The following MAN2A1 variants were observed in gnomAD, a reference collection of about 807,000 sequenced individuals.
The protein encoded by MAN2A1 is alpha-mannosidase 2.
A neutral mutation model predicts 142.6 loss-of-function variants in MAN2A1; 76 were observed. The ratio of observed to expected loss-of-function variants is 0.53; its 90% CI spans 0.44 to 0.65. The LOEUF is 0.65. Ranked by LOEUF, MAN2A1 falls within the 30% of genes least tolerant of loss-of-function variation. MAN2A1 has a pLI of 0.00. For missense variants in MAN2A1, 1,311 were observed against 1,365.1 expected, an observed-to-expected ratio of 0.96 and a Z score of 0.62; for synonymous variants, 559 against 473.2, an observed-to-expected ratio of 1.18 and a Z score of -2.35.
At chr5:109,723,331 C>A (rs558934087) in intron 3 of MAN2A1, among the ~76,000 whole-genome samples, 1 of 152,068 alleles carries the variant, frequency 6.6e-6, no homozygotes, top group Non-Finnish European at 1.5e-5. Flanking sequence ...TTTTGGAAAC[C>A]TGGGTTCAAA....
chr5:109,840,037 A>G (rs541656565), intron 16 of MAN2A1: 1 of 161,780 alleles, frequency 6.2e-6, no homozygotes, highest in South Asian at 1.9e-4. Flanking sequence ...ATTCTAGAAA[A>G]CAGCAATTTG....
chr5:109,746,835 G>C (rs187041048), intron 4 of MAN2A1, among the ~76,000 whole-genome samples: 4 of 152,100 alleles, frequency 2.6e-5, no homozygotes, highest in Admixed American at 2.6e-4. Context: ...TACTCTATTA[G>C]GTGCCTTATG....
intron 12 of MAN2A1, among the ~76,000 whole-genome samples, chr5:109,796,928 A>G (rs893375170): frequency 6.6e-6 from 1 of 152,226 alleles, no homozygotes; most frequent in African/African-American, 2.4e-5. Flanking sequence ...GTAGACTAGC[A>G]GCTCCATGAG....
intron 9 of MAN2A1, among the ~76,000 whole-genome samples, chr5:109,782,072 T>C (rs1247446094): frequency 6.6e-6 from 1 of 152,200 alleles, no homozygotes; most frequent in Non-Finnish European, 1.5e-5. Context: ...GGGAGAACTT[T>C]AGACTAGGCT....
intron 5 of MAN2A1, among the ~76,000 whole-genome samples, chr5:109,761,471 G>A (rs1387463312): frequency 1.3e-5 from 2 of 152,096 alleles, no homozygotes; most frequent in Non-Finnish European, 2.9e-5. Context: ...TATCAATACT[G>A]TATGGTTTTT....
chr5:109,757,220 T>C (rs1024596712), intron 5 of MAN2A1, among the ~76,000 whole-genome samples: 2 of 152,222 alleles, frequency 1.3e-5, no homozygotes, highest in African/African-American at 2.4e-5. Flanking sequence ...GGGGACCCTC[T>C]CTACACAATG....
At chr5:109,826,897 A>T (rs1326504858) in intron 16 of MAN2A1, among the ~76,000 whole-genome samples, 1 of 152,280 alleles carries the variant, frequency 6.6e-6, no homozygotes, top group Non-Finnish European at 1.5e-5. Context: ...CAAAATGCAT[A>T]GACAAAATGT....
In MAN2A1 at chr5:109,698,688, G is replaced by A. The variant is rs1012942835; in HGVS notation, c.135+8136G>A. Among the ~76,000 whole-genome samples the A allele has an allele frequency of 2.5e-4, 38 of 152,188 alleles. 1 individual carries two copies. The highest frequency in any genetic ancestry group is 4.9e-4 in the Non-Finnish European group (33 of 68,030). On this transcript the variant is annotated intron_variant, in intron 1 of 21. Transcript: ENST00000261483. ...CAAGAGCAGAGAAGACTCTAAATTT[G>A]ACCCTGTCCTATGTTCTTGCTGGTG... is the stretch of plus-strand genomic sequence containing the variant.
At chr5:109,850,437 A>T (rs972889789) in intron 19 of MAN2A1, among the ~76,000 whole-genome samples, 3 of 152,228 alleles carry the variant, frequency 2.0e-5, no homozygotes, top group African/African-American at 7.2e-5. Context: ...ACAGCTAATT[A>T]AAGCAAAAAT....
chr5:109,727,365 A>G (rs1421230203), intron 3 of MAN2A1, among the ~76,000 whole-genome samples: 2 of 151,980 alleles, frequency 1.3e-5, no homozygotes, highest in African/African-American at 4.8e-5. Flanking sequence ...TCTGTGTTCT[A>G]ATCTCCTTTT....
chr5:109,855,938 T>A (rs1434570665), intron 20 of MAN2A1, among the ~76,000 whole-genome samples: 2 of 152,232 alleles, frequency 1.3e-5, no homozygotes, highest in Non-Finnish European at 2.9e-5. Flanking sequence ...GTTTTGATAT[T>A]GCAAATTGAC....
intron 1 of MAN2A1, among the ~76,000 whole-genome samples, chr5:109,693,278 T>C (rs1379505300): frequency 1.3e-5 from 2 of 151,394 alleles, no homozygotes; most frequent in African/African-American, 4.9e-5. Context: ...AGTTGATTCT[T>C]TTTTTTTTCA....
chr5:109,734,553 A>G (rs961127396), intron 4 of MAN2A1, among the ~76,000 whole-genome samples: 16 of 152,076 alleles, frequency 1.1e-4, no homozygotes, highest in Non-Finnish European at 2.4e-4. Flanking sequence ...TGTGTCCCAG[A>G]GATTCTGGTA....
At chr5:109,796,192 A>G (rs763579901) in intron 12 of MAN2A1, among the ~76,000 whole-genome samples, 23 of 152,220 alleles carry the variant, frequency 1.5e-4, no homozygotes, top group Non-Finnish European at 3.2e-4. Context: ...ATAAAAATAT[A>G]GAAGCCGGCT....
chr5:109,840,168 G>A (rs748996626), intron 16 of MAN2A1: 1 of 193,204 alleles, frequency 5.2e-6, no homozygotes. Flanking sequence ...ATTAAGTCTC[G>A]TCTCATAAAT....
chr5:109,713,737 T>C lies in MAN2A1; in HGVS notation c.353T>C (p.Phe118Ser), dbSNP rs781585800. ...TCAGTTGACACTGCAGACTGTCTGTTTGCTTCACAAAGTGGAAGTCACAAT... is the reference window on the plus strand; with the variant it reads ...TCAGTTGACACTGCAGACTGTCTGTCTGCTTCACAAAGTGGAAGTCACAAT... Reference protein sequence around the residue: ...SLSVDTADCLFASQSGSHNSD... With the variant: ...SLSVDTADCLSASQSGSHNSD... Residue 118 changes from phenylalanine to serine, a missense_variant, in exon 2 of 22, where the codon TTT (phenylalanine) becomes TCT (serine). Coordinates refer to ENST00000261483, the MANE Select transcript of MAN2A1 (RefSeq NM_002372.4). The C allele has an allele frequency of 2.5e-6, 4 of 1,613,932 alleles. No homozygotes were observed. In the South Asian group the frequency reaches 3.3e-5, roughly 13 times the overall value.
chr5:109,692,324 C>CAACT (rs1031241045), intron 1 of MAN2A1, among the ~76,000 whole-genome samples: 3 of 152,106 alleles, frequency 2.0e-5, no homozygotes, highest in African/African-American at 7.2e-5. Context: ...TGTTGGTACT[C>CAACT]AACTGGGAGG....
chr5:109,774,840 A>G lies in MAN2A1; in HGVS notation c.1249A>G (p.Lys417Glu). Residue 417 changes from lysine to glutamate, a missense_variant, in exon 8 of 22, where the codon AAA becomes GAA. Around this residue, in one of 3 missense-constraint regions of MAN2A1, gnomAD observed 890 missense variants for 920.5 expected, o/e 0.97. Coordinates refer to ENST00000261483, the MANE Select transcript of MAN2A1 (RefSeq NM_002372.4). Reference sequence around the variant, plus strand: ...AAAGAAGTCAAAGCTTTTTCGTACCAAAGTTCTCCTGGCTCCACTAGGAGA... The same window carrying G: ...AAAGAAGTCAAAGCTTTTTCGTACCGAAGTTCTCCTGGCTCCACTAGGAGA... ...YRKKSKLFRT[K>E]VLLAPLGDDF... 2 of 1,612,926 alleles carry G rather than the reference A, an allele frequency of 1.2e-6. No homozygotes were observed. The highest frequency in any genetic ancestry group is 2.2e-5 in the East Asian group (1 of 44,778).
chr5:109,735,816 A>C (rs1309839147), intron 4 of MAN2A1, among the ~76,000 whole-genome samples: 1 of 151,794 alleles, frequency 6.6e-6, no homozygotes, highest in East Asian at 1.9e-4. Context: ...ATTTTGATGA[A>C]AATTGATGTA....
Sources: gnomAD v4.1 joint callset for allele counts (sites outside exome capture counted in the v4.1 genomes callset) on GRCh38, gnomAD v4.1.1 for gene constraint, gnomAD v4.1.1 regional missense constraint, MANE v1.5 for transcripts, NCBI Gene and HGNC (gene_info 2026-07-23, HGNC 2026-07-21) for gene names.